The following ATP10A variants were observed in gnomAD, a reference collection of about 807,000 sequenced individuals.
ATP10A encodes the protein phospholipid-transporting ATPase VA.
A neutral mutation model predicts 147.8 loss-of-function variants in ATP10A; 111 were observed. The observed-to-expected ratio is 0.75, with a 90% confidence interval of 0.64 to 0.88. The LOEUF is 0.88. Among genes scored for constraint, ATP10A ranks in the 40% least tolerant of loss-of-function variants. The pLI is 0.00. For synonymous variants in ATP10A, 875 were observed against 841.6 expected (o/e 1.04, Z -0.69); for missense variants, 1,927 against 1,959.0 (o/e 0.98, Z 0.31).
chr15:25,809,535 A>C (rs1401120453), intron 1 of ATP10A, among the ~76,000 whole-genome samples: 1 of 152,208 alleles, frequency 6.6e-6, no homozygotes, highest in Non-Finnish European at 1.5e-5. Flanking sequence ...TTATTCAAGA[A>C]TGATATTCTT....
chr15:25,854,996 T>C (rs1223546540), intron 1 of ATP10A, among the ~76,000 whole-genome samples: 3 of 145,382 alleles, frequency 2.1e-5, no homozygotes, highest in South Asian at 2.2e-4. Flanking sequence ...GAGGCGGAGG[T>C]TGCAGTGAGC....
At position 25,680,292 on chromosome 15, in the gene ATP10A, A is replaced by G. The variant is rs1360947529; in HGVS notation, c.3695T>C (p.Ile1232Thr). The G allele has an allele frequency of 2.0e-5, 33 of 1,614,104 alleles. No individual in the cohort carries two copies. Among genetic ancestry groups the G allele is most frequent in the Non-Finnish European group, 2.7e-5 (32 of 1,180,034 alleles). ...ETKTWTWLNW[I>T]TCGFSVLLFF... is the part of the protein sequence containing the mutation. ...CAAAAGGACACTGAAGCCACACGTT[A>G]TCCAGTTGAGCCAGGTCTGAGGGGG... is the stretch of plus-strand genomic sequence containing the variant. The change falls in exon 20 of 21, where the codon ATA becomes ACA. Residue 1232 changes from isoleucine to threonine, a missense_variant. Transcript: ENST00000555815.
At chr15:25,745,781 C>T (rs113305255) in intron 2 of ATP10A, among the ~76,000 whole-genome samples, 23 of 152,028 alleles carry the variant, frequency 1.5e-4, no homozygotes, top group Non-Finnish European at 2.4e-4. Flanking sequence ...TAAAAAGGGC[C>T]CTTGAATTAT....
chr15:25,698,353 A>G (rs1374635234), intron 13 of ATP10A, among the ~76,000 whole-genome samples: 3 of 152,248 alleles, frequency 2.0e-5, no homozygotes, highest in African/African-American at 7.2e-5. Flanking sequence ...GACACGACCA[A>G]GGAAAGAGTC....
At chr15:25,793,359 A>G (rs1345101) in intron 1 of ATP10A, among the ~76,000 whole-genome samples, 78,324 of 152,080 alleles carry the variant, frequency 0.52, 20,621 homozygotes, top group South Asian at 0.65. Flanking sequence ...CCTCATGCAC[A>G]CTTACACCCT....
rs560312003 is a variant in ATP10A, at chr15:25,787,962, C to T, written c.450-6739G>A. ...CCCCAGGATCACCTTGGGGACTTCC[C>T]TCTGGGCTAAACAAGCCACTGAGAG... On this transcript the variant is annotated intron_variant, in intron 1 of 20. Transcript: ENST00000555815. Among the ~76,000 whole-genome samples, 14 of 152,288 alleles carry T rather than the reference C, an allele frequency of 9.2e-5. No homozygotes were observed. In the South Asian group the frequency reaches 2.9e-3, roughly 32 times the overall value.
chr15:25,836,000 A>T lies in ATP10A; in HGVS notation c.449+26648T>A, dbSNP rs1427901948. ...GGCTAATTTTGTGTATTTTTAGTAG[A>T]GATGGGGTTTCACCGTGTTAGCCAG... is the stretch of plus-strand genomic sequence containing the variant. On this transcript the variant is annotated intron_variant, in intron 1 of 20. Transcript: ENST00000555815. 7.2e-5 allele frequency among the ~76,000 whole-genome samples: 11 copies of T among 152,236 alleles called. No homozygotes were observed. In the East Asian group the frequency reaches 2.1e-3, roughly 30 times the overall value.
chr15:25,714,352 TC>T, intron 9 of ATP10A, 111 bp from the exon 10 acceptor site: 1 of 954,368 alleles, frequency 1.0e-6, no homozygotes, highest in Non-Finnish European at 1.6e-6. Context: ...TGACCTCGCT[TC>T]CCCACTGGGG....
chr15:25,761,347 G>A (rs1236356218), intron 2 of ATP10A, among the ~76,000 whole-genome samples: 1 of 152,186 alleles, frequency 6.6e-6, no homozygotes, highest in Admixed American at 6.5e-5. Context: ...ATTTATAAAG[G>A]AAAGAGAGTT....
intron 1 of ATP10A, among the ~76,000 whole-genome samples, chr15:25,842,482 T>C (rs1057211291): frequency 3.9e-5 from 6 of 152,286 alleles, no homozygotes; most frequent in Middle Eastern, 3.4e-3. Flanking sequence ...ATCTACGCCA[T>C]CTTGTTCTAA....
chr15:25,685,442 C>A (rs1418130293), intron 16 of ATP10A, among the ~76,000 whole-genome samples: 1 of 152,164 alleles, frequency 6.6e-6, no homozygotes, highest in African/African-American at 2.4e-5. Context: ...AATGATTTGG[C>A]CTACATCATT....
In ATP10A at chr15:25,714,250, G is replaced by T; in HGVS notation, c.1777-9C>A. On this transcript the variant is annotated splice_polypyrimidine_tract_variant and intron_variant, in intron 9 of 20. Transcript: ENST00000555815. Reference sequence around the variant, plus strand: ...TCAAACCTCACCCTCACCTGCAAGAGAAATGGTCAGAAGGCAGGTGAGGGA... The same window carrying T: ...TCAAACCTCACCCTCACCTGCAAGATAAATGGTCAGAAGGCAGGTGAGGGA... The T allele has an allele frequency of 6.3e-7, 1 of 1,598,688 alleles. No individual in the cohort carries two copies. The highest frequency in any genetic ancestry group is 1.1e-5 in the South Asian group (1 of 91,064).
chr15:25,825,011 T>G (rs916736307), intron 1 of ATP10A, among the ~76,000 whole-genome samples: 1 of 152,064 alleles, frequency 6.6e-6, no homozygotes, highest in African/African-American at 2.4e-5. Flanking sequence ...AACGACACCT[T>G]CACTCTGGGA....
chr15:25,831,359 T>C (rs918275408), intron 1 of ATP10A, among the ~76,000 whole-genome samples: 2 of 152,208 alleles, frequency 1.3e-5, no homozygotes, highest in African/African-American at 4.8e-5. Context: ...ATGTGGACAG[T>C]TAATCTCCTT....
At chr15:25,728,738 C>A (rs11639427) in intron 3 of ATP10A, among the ~76,000 whole-genome samples, 42,558 of 152,244 alleles carry the variant, frequency 0.28, 6,756 homozygotes, top group Non-Finnish European at 0.37. Flanking sequence ...AAATGTTCTT[C>A]ACTGTGACAC....
intron 2 of ATP10A, among the ~76,000 whole-genome samples, chr15:25,778,766 C>T (rs1258983223): frequency 6.6e-6 from 1 of 152,096 alleles, no homozygotes; most frequent in South Asian, 2.1e-4. Flanking sequence ...TATAAAGCAC[C>T]ACCGAGCTAT....
intron 1 of ATP10A, among the ~76,000 whole-genome samples, chr15:25,849,333 T>C (rs1893175864): frequency 1.3e-5 from 2 of 152,136 alleles, no homozygotes; most frequent in South Asian, 4.1e-4. Context: ...GGAGGGCCTG[T>C]CCCTCCGGAG....
intron 2 of ATP10A, among the ~76,000 whole-genome samples, chr15:25,774,857 T>C (rs1230791012): frequency 6.6e-6 from 1 of 152,236 alleles, no homozygotes; most frequent in Non-Finnish European, 1.5e-5. Context: ...AGTTATTGTA[T>C]TGTCAAAGTC....
chr15:25,772,242 G>A (rs981608081), intron 2 of ATP10A, among the ~76,000 whole-genome samples: 1 of 152,052 alleles, frequency 6.6e-6, no homozygotes, highest in Non-Finnish European at 1.5e-5. Flanking sequence ...CTGAATCTCT[G>A]GTCCATAGGA....
Sources: gnomAD v4.1 joint callset for allele counts (sites outside exome capture counted in the v4.1 genomes callset) on GRCh38, gnomAD v4.1.1 for gene constraint, MANE v1.5 for transcripts, NCBI Gene and HGNC (gene_info 2026-07-23, HGNC 2026-07-21) for gene names.